The following PRKCA variants were observed in gnomAD, a reference collection of about 807,000 sequenced individuals.
PRKCA encodes the protein protein kinase C alpha, also known as protein kinase C alpha type.
In PRKCA, 27 loss-of-function variants were observed where a neutral mutation model predicts 87.0. That is an observed-to-expected ratio of 0.31 (90% CI 0.23 to 0.43). The LOEUF is 0.43. Ranked by LOEUF, PRKCA falls within the 20% of genes least tolerant of loss-of-function variation. The probability of loss-of-function intolerance (pLI) is 1.00; values close to 1 mark genes in which losing one functional copy is unlikely to be tolerated. For synonymous variants in PRKCA, 329 were observed against 311.1 expected (o/e 1.06, Z -0.61); for missense variants, 518 against 852.3 (o/e 0.61, Z 4.88).
chr17:66,302,802 CT>C lies in PRKCA; in HGVS notation c.-49del. On this transcript the variant is annotated 5_prime_UTR_variant, in exon 1 of 17. Coordinates refer to ENST00000413366, the MANE Select transcript of PRKCA (RefSeq NM_002737.3). The stretch of plus-strand genomic sequence containing the variant: ...CCCCGCCGCCCCCGCCCACCCGGCC[CT>C]CCGCGGCCGCAGCTCCCCGGCGGAG... The C allele has an allele frequency of 1.4e-6, 2 of 1,441,030 alleles. No homozygotes were observed. The highest frequency in any genetic ancestry group is 1.8e-6 in the Non-Finnish European group (2 of 1,086,802). The allele number at this position is 1,441,030 out of a possible 1,614,324, so 89.3% of individuals were successfully genotyped here.
intron 2 of PRKCA, among the ~76,000 whole-genome samples, chr17:66,426,722 A>G (rs1912827402): frequency 6.6e-6 from 1 of 152,196 alleles, no homozygotes; most frequent in Non-Finnish European, 1.5e-5. Flanking sequence ...TGGGCATGTG[A>G]TTCCTGTTAG....
intron 13 of PRKCA, among the ~76,000 whole-genome samples, chr17:66,771,971 T>A (rs541767867): frequency 3.7e-4 from 56 of 152,334 alleles, no homozygotes; most frequent in Non-Finnish European, 7.3e-4. Flanking sequence ...GAATTTTTTT[T>A]AAAAGCACAA....
chr17:66,784,093 G>C (rs1700835810), intron 14 of PRKCA, among the ~76,000 whole-genome samples: 2 of 152,218 alleles, frequency 1.3e-5, no homozygotes, highest in Admixed American at 1.3e-4. Flanking sequence ...AGGCCCTCTT[G>C]GGCCATGTGG....
At chr17:66,754,825 CTT>C (rs1974512548) in intron 13 of PRKCA, among the ~76,000 whole-genome samples, 1 of 152,110 alleles carries the variant, frequency 6.6e-6, no homozygotes, top group African/African-American at 2.4e-5. Flanking sequence ...TTAAGTCAAA[CTT>C]GGCCTTCCAG....
chr17:66,560,880 C>T lies in PRKCA; in HGVS notation c.288+64597C>T, dbSNP rs145977671. Reference sequence around the variant, plus strand: ...TGAGGAGTTGGAGGGCCTGTCCACCCTTGCCTTTGGGAAACCAGCCAGCCA... The same window carrying T: ...TGAGGAGTTGGAGGGCCTGTCCACCTTTGCCTTTGGGAAACCAGCCAGCCA... On this transcript the variant is annotated intron_variant, in intron 3 of 16. Coordinates refer to ENST00000413366, the MANE Select transcript of PRKCA (RefSeq NM_002737.3). Among the ~76,000 whole-genome samples the T allele has an allele frequency of 1.0e-2, 1,522 of 152,314 alleles. 9 individuals are homozygous for T. Among genetic ancestry groups the T allele is most frequent in the Non-Finnish European group, 0.017 (1,170 of 68,022 alleles).
At chr17:66,714,956 C>T (rs1598892601) in intron 8 of PRKCA, among the ~76,000 whole-genome samples, 1 of 152,116 alleles carries the variant, frequency 6.6e-6, no homozygotes, top group South Asian at 2.1e-4. Context: ...ATTAAAAAGG[C>T]TCAGTGAGGG....
rs967951089 is a variant in PRKCA, at chr17:66,381,153, G to A, written c.205+75026G>A. 3.3e-5 allele frequency among the ~76,000 whole-genome samples: 5 copies of A among 152,128 alleles called. 1 individual carries two copies. In the East Asian group the frequency reaches 7.7e-4, roughly 24 times the overall value. Reference sequence around the variant, plus strand: ...GCTGGGGTCTCGCTATGTTGGCTGGGCTGGTCTCAAACTCTTGGCCTCAAG... The same window carrying A: ...GCTGGGGTCTCGCTATGTTGGCTGGACTGGTCTCAAACTCTTGGCCTCAAG... On this transcript the variant is annotated intron_variant, in intron 2 of 16. Coordinates refer to ENST00000413366, the MANE Select transcript of PRKCA (RefSeq NM_002737.3).
intron 2 of PRKCA, among the ~76,000 whole-genome samples, chr17:66,346,870 A>G (rs959100708): frequency 2.0e-5 from 3 of 152,006 alleles, no homozygotes; most frequent in African/African-American, 7.2e-5. Flanking sequence ...TCTCTACTAA[A>G]AATACAAAAA....
chr17:66,409,311 A>G (rs574933939), intron 2 of PRKCA, among the ~76,000 whole-genome samples: 2 of 152,222 alleles, frequency 1.3e-5, no homozygotes, highest in African/African-American at 4.8e-5. Context: ...AGGGGGTACC[A>G]TGTCTAACTT....
At chr17:66,785,094 G>T (rs1389263696) in intron 14 of PRKCA, among the ~76,000 whole-genome samples, 1 of 152,180 alleles carries the variant, frequency 6.6e-6, no homozygotes, top group African/African-American at 2.4e-5. Flanking sequence ...AATGTTGAGT[G>T]GTACCAGACA....
intron 2 of PRKCA, among the ~76,000 whole-genome samples, chr17:66,441,334 G>A (rs939175320): frequency 2.6e-4 from 38 of 149,000 alleles, no homozygotes; most frequent in East Asian, 1.4e-3. Context: ...ACAGAACAAC[G>A]CCCTGTTTCC....
intron 3 of PRKCA, among the ~76,000 whole-genome samples, chr17:66,540,109 C>T (rs556342222): frequency 8.2e-4 from 125 of 152,286 alleles, no homozygotes; most frequent in African/African-American, 2.8e-3. Flanking sequence ...ATGTTTTCCC[C>T]ATTGGGAACC....
chr17:66,567,682 C>T (rs1482970440), intron 3 of PRKCA, among the ~76,000 whole-genome samples: 2 of 152,206 alleles, frequency 1.3e-5, no homozygotes, highest in African/African-American at 2.4e-5. Context: ...ATAAAAAGCC[C>T]TGCTAACATC....
At chr17:66,677,796 C>T (rs58147519) in intron 5 of PRKCA, among the ~76,000 whole-genome samples, 2,035 of 152,264 alleles carry the variant, frequency 0.013, 40 homozygotes, top group African/African-American at 0.047. Context: ...TAGTAAAGCA[C>T]GTGGAAACCT....
At chr17:66,411,577 A>G (rs2061334018) in intron 2 of PRKCA, among the ~76,000 whole-genome samples, 1 of 152,172 alleles carries the variant, frequency 6.6e-6, no homozygotes, top group South Asian at 2.1e-4. Flanking sequence ...GAGGGTCTTT[A>G]AGGCCAAACC....
intron 3 of PRKCA, among the ~76,000 whole-genome samples, chr17:66,525,712 A>G (rs1336432037): frequency 6.6e-6 from 1 of 152,202 alleles, no homozygotes; most frequent in Non-Finnish European, 1.5e-5. Flanking sequence ...TTTCTTTCCT[A>G]GAAGTGTTGA....
At chr17:66,723,108 A>G (rs1973654392) in intron 8 of PRKCA, among the ~76,000 whole-genome samples, 1 of 152,164 alleles carries the variant, frequency 6.6e-6, no homozygotes, top group African/African-American at 2.4e-5. Flanking sequence ...TCAACCTCAC[A>G]ACAGGTCATG....
chr17:66,797,395 G>A lies in PRKCA; in HGVS notation c.1855-6478G>A, dbSNP rs113449795. Among the ~76,000 whole-genome samples, 277 of 152,338 alleles carry A rather than the reference G, an allele frequency of 1.8e-3. 1 individual carries two copies. The highest frequency in any genetic ancestry group is 3.0e-3 in the Non-Finnish European group (206 of 68,020). ...CCAAATGGGTAGGAATATCAAAAAC[G>A]ACAAAGGAGTTCATTCCTGAATCCA... On this transcript the variant is annotated intron_variant, in intron 16 of 16. Transcript: ENST00000413366.
chr17:66,648,430 T>C (rs1971508038), intron 5 of PRKCA, among the ~76,000 whole-genome samples: 1 of 152,298 alleles, frequency 6.6e-6, no homozygotes, highest in Non-Finnish European at 1.5e-5. Flanking sequence ...CCTTACGTTA[T>C]AGATGAAGAA....
Sources: allele counts gnomAD v4.1 joint callset (sites outside exome capture counted in the v4.1 genomes callset), GRCh38; gene constraint gnomAD v4.1.1; transcripts MANE v1.5; gene names NCBI Gene and HGNC (gene_info 2026-07-23, HGNC 2026-07-21).